The following SOX5 variants were observed in gnomAD, a reference collection of about 807,000 sequenced individuals.
The protein encoded by SOX5 is SRY-box transcription factor 5, also known as transcription factor SOX-5.
In SOX5, 9 loss-of-function variants were observed where a neutral mutation model predicts 92.0. That is an observed-to-expected ratio of 0.10 (90% CI 0.06 to 0.17). SOX5 has a LOEUF of 0.17. Ranked by LOEUF, SOX5 falls within the 10% of genes least tolerant of loss-of-function variation. The pLI is 1.00. For synonymous variants in SOX5, 344 were observed against 336.3 expected, an observed-to-expected ratio of 1.02 and a Z score of -0.25; for missense variants, 642 against 944.5, an observed-to-expected ratio of 0.68 and a Z score of 4.20.
chr12:23,574,202 C>A (rs1480853058), intron 10 of SOX5, among the ~76,000 whole-genome samples: 1 of 151,992 alleles, frequency 6.6e-6, no homozygotes, highest in East Asian at 1.9e-4. Context: ...CCACACACAG[C>A]CTTTTTTGGT....
intron 1 of SOX5, among the ~76,000 whole-genome samples, chr12:24,437,471 G>A (rs11047438): frequency 0.37 from 56,333 of 152,038 alleles, 11,136 homozygotes; most frequent in Non-Finnish European, 0.45. Context: ...ATTGACAAAT[G>A]AGATCTAATT....
intron 2 of SOX5, among the ~76,000 whole-genome samples, chr12:24,300,958 C>T (rs1947874722): frequency 6.6e-6 from 1 of 152,168 alleles, no homozygotes; most frequent in Non-Finnish European, 1.5e-5. Context: ...TAGTTTCATA[C>T]AGAAAACCTT....
intron 3 of SOX5, among the ~76,000 whole-genome samples, chr12:23,845,654 T>C (rs2096566927): frequency 6.6e-6 from 1 of 151,498 alleles, no homozygotes; most frequent in Admixed American, 6.6e-5. Context: ...GAAAAAAAAA[T>C]GGAGAGAAAC....
chr12:23,931,973 G>A (rs1941525231), intron 1 of SOX5, among the ~76,000 whole-genome samples: 1 of 151,316 alleles, frequency 6.6e-6, no homozygotes, highest in Non-Finnish European at 1.5e-5. Flanking sequence ...TCCTCAACAA[G>A]GGTCAGTTAA....
rs553370192 is a variant in SOX5, at chr12:24,162,462, G to A, written c.-2+50881C>T. Among the ~76,000 whole-genome samples, 13 of 152,200 alleles carry A rather than the reference G, an allele frequency of 8.5e-5. 1 individual carries two copies. Among genetic ancestry groups the A allele is most frequent in the East Asian group, 7.7e-4 (4 of 5,182 alleles). ...GAGAACTTTTGGTCCATAACTATTG[G>A]CACAGATTTTCCTCAAATGGATACA... On this transcript the variant is annotated intron_variant, in intron 4 of 4. Transcript: ENST00000446891.
intron 9 of SOX5, among the ~76,000 whole-genome samples, chr12:23,588,034 T>C (rs953673422): frequency 3.9e-5 from 6 of 152,112 alleles, no homozygotes; most frequent in Non-Finnish European, 7.4e-5. Flanking sequence ...TTTGTCTTCA[T>C]GGCAGTGACC....
intron 3 of SOX5, among the ~76,000 whole-genome samples, chr12:24,228,277 G>A (rs769681383): frequency 6.6e-6 from 1 of 152,168 alleles, no homozygotes; most frequent in Non-Finnish European, 1.5e-5. Context: ...TTTAATGGAG[G>A]CTAAAACTGG....
intron 4 of SOX5, among the ~76,000 whole-genome samples, chr12:23,963,626 G>C (rs1414631782): frequency 6.6e-6 from 1 of 151,970 alleles, no homozygotes; most frequent in Non-Finnish European, 1.5e-5. Flanking sequence ...ACTAAATCCT[G>C]AGTCTAGCAT....
intron 4 of SOX5, among the ~76,000 whole-genome samples, chr12:24,123,812 CATATAGG>C (rs1004456945): frequency 6.6e-6 from 1 of 152,194 alleles, no homozygotes; most frequent in African/African-American, 2.4e-5. Flanking sequence ...TCATCACTGA[CATATAGG>C]ATATGAAGTT....
chr12:24,362,164 A>G (rs1955648078), intron 2 of SOX5, among the ~76,000 whole-genome samples: 1 of 152,222 alleles, frequency 6.6e-6, no homozygotes, highest in Non-Finnish European at 1.5e-5. Context: ...ATATGTGCAT[A>G]TGTATATTCT....
chr12:24,089,119 T>C (rs1309606241), intron 4 of SOX5, among the ~76,000 whole-genome samples: 1 of 152,116 alleles, frequency 6.6e-6, no homozygotes, highest in Non-Finnish European at 1.5e-5. Flanking sequence ...AAAATACCCA[T>C]ACATTTTCAG....
chr12:24,273,353 C>T (rs1565801893), intron 3 of SOX5, among the ~76,000 whole-genome samples: 1 of 152,214 alleles, frequency 6.6e-6, no homozygotes, highest in Admixed American at 6.5e-5. Context: ...TTTTTGATTA[C>T]TGAATTAAAT....
chr12:24,383,292 C>T (rs1958019048), intron 1 of SOX5, among the ~76,000 whole-genome samples: 1 of 152,128 alleles, frequency 6.6e-6, no homozygotes. Context: ...ATCACAACTA[C>T]CTTTATGTAA....
chr12:23,620,162 G>A (rs2077007286), intron 8 of SOX5, among the ~76,000 whole-genome samples: 1 of 151,784 alleles, frequency 6.6e-6, no homozygotes, highest in Non-Finnish European at 1.5e-5. Context: ...CATACAGGAG[G>A]AAAAAAAACT....
At chr12:23,868,693 A>G (rs2096841453) in intron 2 of SOX5, among the ~76,000 whole-genome samples, 1 of 152,086 alleles carries the variant, frequency 6.6e-6, no homozygotes, top group Non-Finnish European at 1.5e-5. Flanking sequence ...CAGAACACCC[A>G]TATCCCTTCA....
chr12:24,035,943 T>C (rs1569513345), intron 4 of SOX5, among the ~76,000 whole-genome samples: 1 of 152,032 alleles, frequency 6.6e-6, no homozygotes, highest in Non-Finnish European at 1.5e-5. Flanking sequence ...AATGATCAAA[T>C]TTAAAATAAA....
At chr12:24,047,878 A>C (rs1226921538) in intron 4 of SOX5, among the ~76,000 whole-genome samples, 1 of 152,214 alleles carries the variant, frequency 6.6e-6, no homozygotes, top group Non-Finnish European at 1.5e-5. Flanking sequence ...AGTGTTTTGT[A>C]AACATTGTTT....
intron 3 of SOX5, among the ~76,000 whole-genome samples, chr12:23,781,486 T>C (rs1270211651): frequency 1.3e-5 from 2 of 152,086 alleles, no homozygotes; most frequent in African/African-American, 4.8e-5. Flanking sequence ...AACAAAACAG[T>C]TTAATTTTAC....
At chr12:24,409,360 T>C (rs1221242386) in intron 1 of SOX5, among the ~76,000 whole-genome samples, 1 of 151,924 alleles carries the variant, frequency 6.6e-6, no homozygotes, top group Non-Finnish European at 1.5e-5. Flanking sequence ...GGGGAGGGAA[T>C]TTAGAGGACA....
Sources: allele counts gnomAD v4.1 joint callset (sites outside exome capture counted in the v4.1 genomes callset), GRCh38; gene constraint gnomAD v4.1.1; transcripts MANE v1.5; gene names NCBI Gene and HGNC (gene_info 2026-07-23, HGNC 2026-07-21).